AKR1C1: variants seen among roughly 807,000 people sequenced by gnomAD.
AKR1C1 encodes the protein 20 alpha-hydroxysteroid dehydrogenase.
In AKR1C1, 32 loss-of-function variants were observed where a neutral mutation model predicts 40.6. The ratio of observed to expected loss-of-function variants is 0.79; its 90% CI spans 0.60 to 1.06. The LOEUF (loss-of-function observed/expected upper bound fraction) is 1.06, where lower values mean the gene tolerates loss of function less well. Ranked by LOEUF, AKR1C1 falls within the 50% of genes least tolerant of loss-of-function variation. The pLI is 0.00. For synonymous variants in AKR1C1, 105 were observed against 134.2 expected, an observed-to-expected ratio of 0.78 and a Z score of 1.50; for missense variants, 320 against 363.5, an observed-to-expected ratio of 0.88 and a Z score of 0.97.
At chr10:4,968,672 C>T (rs1836367822) in intron 4 of AKR1C1, 150 bp from the exon 5 acceptor site, 2 of 1,375,866 alleles carry the variant, frequency 1.5e-6, no homozygotes, top group South Asian at 1.5e-5. Context: ...CTTGCAATCA[C>T]TATCTTCTTC....
chr10:4,966,942 C>T lies in AKR1C1; in HGVS notation c.268C>T (p.His90Tyr), dbSNP rs771683158. ...FYTSKLWCNS[H>Y]RPELVRPALE... is the part of the protein sequence containing the mutation. Reference sequence around the variant, plus strand: ...ACCTCTGCAGCTTTGGTGCAATTCCCATCGACCAGAGTTGGTCCGACCAGC... The same window carrying T: ...ACCTCTGCAGCTTTGGTGCAATTCCTATCGACCAGAGTTGGTCCGACCAGC... The change falls in exon 3 of 9, where the codon CAT becomes TAT. Residue 90 changes from histidine to tyrosine, a missense_variant. Physicochemically the swap from His to Tyr is moderately conservative, Grantham distance 83. Coordinates refer to ENST00000380872, the MANE Select transcript of AKR1C1 (RefSeq NM_001353.6). The T allele has an allele frequency of 1.9e-6, 3 of 1,613,112 alleles. No homozygotes were observed. The highest frequency in any genetic ancestry group is 1.7e-5 in the Admixed American group (1 of 59,830).
intron 1 of AKR1C1, among the ~76,000 whole-genome samples, chr10:4,965,323 G>C (rs1836313183): frequency 6.6e-6 from 1 of 152,106 alleles, no homozygotes; most frequent in Non-Finnish European, 1.5e-5. Context: ...CCAGGCTGGA[G>C]TGCAGTGGTG....
rs541046893 is a variant in AKR1C1, at chr10:4,979,764, C to G, written c.*2022C>G. ...ACTCAGAATTTCATAAAGCCAAACACCTGATTTCAGGAACACTTGAGATGT... is the reference window on the plus strand; with the variant it reads ...ACTCAGAATTTCATAAAGCCAAACAGCTGATTTCAGGAACACTTGAGATGT... On this transcript the variant is annotated 3_prime_UTR_variant, in exon 9 of 9. Coordinates refer to ENST00000380872, the MANE Select transcript of AKR1C1 (RefSeq NM_001353.6). 2.5e-4 allele frequency: 38 copies of G among 151,892 alleles called. No individual in the cohort carries two copies. Among genetic ancestry groups the G allele is most frequent in the Admixed American group, 4.6e-4 (7 of 15,246 alleles). 9.4% of individuals were successfully genotyped at this position (151,892 alleles called of 1,614,324 possible).
chr10:4,967,872 G>T (rs1425506160), intron 3 of AKR1C1: 2 of 198,064 alleles, frequency 1.0e-5, no homozygotes, highest in Non-Finnish European at 1.9e-5. Context: ...CACCTCCATT[G>T]ACCATGATTG....
At chr10:4,968,718 C>T in intron 4 of AKR1C1, 104 bp from the exon 5 acceptor site, 3 of 1,554,916 alleles carry the variant, frequency 1.9e-6, no homozygotes, top group Admixed American at 3.8e-5. Flanking sequence ...CTTTTAAGAA[C>T]CACGGCTAGC....
intron 2 of AKR1C1, among the ~76,000 whole-genome samples, chr10:4,966,383 C>A (rs893457256): frequency 6.6e-6 from 1 of 152,124 alleles, no homozygotes; most frequent in Admixed American, 6.5e-5. Flanking sequence ...TTATTTCTTA[C>A]CTCCTGGGTG....
intron 2 of AKR1C1, among the ~76,000 whole-genome samples, 162 bp downstream of exon 2, chr10:4,966,243 G>A (rs1327825189): frequency 6.6e-6 from 1 of 152,250 alleles, no homozygotes; most frequent in Non-Finnish European, 1.5e-5. Context: ...GGCAGGAAGT[G>A]AAGATGGCTT....
rs1836629577 is a variant in AKR1C1, at chr10:4,982,255, C to T, written c.*4513C>T. On this transcript the variant is annotated 3_prime_UTR_variant, in exon 9 of 9. Transcript: ENST00000380872. ...TACAAGGCCACAGGTGTCTCACGAC[C>T]TGACCTCATAAAGCCATCTAGTGGA... 6.6e-6 allele frequency: 1 copy of T among 152,222 alleles called. No homozygotes were observed. The highest frequency in any genetic ancestry group is 1.5e-5 in the Non-Finnish European group (1 of 68,124). 9.4% of individuals were successfully genotyped at this position (152,222 alleles called of 1,614,324 possible). A position where few individuals can be genotyped will look rare whatever the true frequency, so the allele number is the denominator to read the frequency against.
At chr10:4,973,441 C>G (rs1322122774) in intron 7 of AKR1C1, among the ~76,000 whole-genome samples, 2 of 152,218 alleles carry the variant, frequency 1.3e-5, no homozygotes, top group Admixed American at 6.5e-5. Context: ...TGAGCGCCCC[C>G]CTCTCCCATG....
chr10:4,965,667 G>A, intron 1 of AKR1C1: 1 of 408,844 alleles, frequency 2.4e-6, no homozygotes, highest in Non-Finnish European at 4.3e-6. Context: ...ACCTGAAATT[G>A]TTTTGGGGAC....
Position 4,966,042 on chromosome 10 carries a change from T to C in AKR1C1, c.213T>C (p.Asp71=), listed in dbSNP as rs1253302379. The change falls in exon 2 of 9, where the codon GAT becomes GAC. Residue 71 remains aspartate, a synonymous_variant. Transcript: ENST00000380872. ...TGGCCATCCGAAGCAAGATTGCAGA[T>C]GGCAGTGTGAAGAGAGAAGACATAT... ...VGLAIRSKIA[D]GSVKREDIFY... 5 of 1,614,112 alleles carry C rather than the reference T, an allele frequency of 3.1e-6. No individual in the cohort carries two copies. The highest frequency in any genetic ancestry group is 1.3e-5 in the African/African-American group (1 of 74,956).
intron 1 of AKR1C1, among the ~76,000 whole-genome samples, chr10:4,964,483 G>A (rs748524744): frequency 1.3e-5 from 2 of 152,184 alleles, no homozygotes; most frequent in South Asian, 2.1e-4. Context: ...ATCAAGGATG[G>A]TATGAGGAGA....
At chr10:4,971,619 G>A in intron 5 of AKR1C1, among the ~76,000 whole-genome samples, 1 of 148,950 alleles carries the variant, frequency 6.7e-6, no homozygotes, top group East Asian at 1.9e-4. Context: ...GGTGACATTT[G>A]AGATATCAAC....
chr10:4,979,058 C>T lies in AKR1C1; in HGVS notation c.*1316C>T, dbSNP rs1836572842. On this transcript the variant is annotated 3_prime_UTR_variant, in exon 9 of 9. Coordinates refer to ENST00000380872, the MANE Select transcript of AKR1C1 (RefSeq NM_001353.6). Reference sequence around the variant, plus strand: ...ACACATTTACTCTCCACTATTCGTACTCTGGTAGCCATGTTAACCCCATCA... The same window carrying T: ...ACACATTTACTCTCCACTATTCGTATTCTGGTAGCCATGTTAACCCCATCA... 6.6e-6 allele frequency: 1 copy of T among 152,230 alleles called. No homozygotes were observed. Among genetic ancestry groups the T allele is most frequent in the Non-Finnish European group, 1.5e-5 (1 of 68,042 alleles). 9.4% of individuals were successfully genotyped at this position (152,230 alleles called of 1,614,324 possible).
intron 3 of AKR1C1, chr10:4,967,621 C>G (rs1371951514): frequency 2.2e-6 from 2 of 905,616 alleles, no homozygotes; most frequent in Admixed American, 1.2e-4. Flanking sequence ...CTAGTTAATG[C>G]AAAAGGGTAT....
intron 3 of AKR1C1, 176 bp downstream of exon 3, chr10:4,967,219 C>A: frequency 1.0e-6 from 1 of 989,016 alleles, no homozygotes; most frequent in Non-Finnish European, 1.4e-6. Flanking sequence ...ATCCATACTT[C>A]CGTGATTGCA....
At chr10:4,972,462 C>T (rs1433394545) in intron 6 of AKR1C1, 122 bp from the exon 7 acceptor site, 2 of 1,451,414 alleles carry the variant, frequency 1.4e-6, no homozygotes, top group Admixed American at 2.1e-5. Context: ...GTTGAGGCTG[C>T]TGTTCGGGGG....
At chr10:4,969,642 A>G in intron 5 of AKR1C1, 5 of 1,605,338 alleles carry the variant, frequency 3.1e-6, no homozygotes, top group Non-Finnish European at 4.2e-6. Context: ...CAGCTGCTTA[A>G]ACACATCTAT....
intron 1 of AKR1C1, chr10:4,965,680 T>G: frequency 2.2e-6 from 1 of 455,158 alleles, no homozygotes; most frequent in Non-Finnish European, 3.8e-6. Flanking sequence ...TTGGGGACAC[T>G]TCCAAACTAG....
Sources: allele counts gnomAD v4.1 joint callset (sites outside exome capture counted in the v4.1 genomes callset), GRCh38; gene constraint gnomAD v4.1.1; transcripts MANE v1.5; gene names NCBI Gene and HGNC (gene_info 2026-07-23, HGNC 2026-07-21).